Variants in GUCA2A observed in about 807,000 individuals in gnomAD.
GUCA2A encodes guanylate cyclase activator 2A.
GUCA2A carries 17 observed loss-of-function variants against 11.2 expected under a neutral mutation model. The observed-to-expected ratio is 1.52, with a 90% confidence interval of 1.04 to 2.28. The LOEUF (loss-of-function observed/expected upper bound fraction) is 2.28, where lower values mean the gene tolerates loss of function less well. Ranked by LOEUF, GUCA2A falls within the 30% of genes most tolerant of loss-of-function variation. The pLI is 0.00. For synonymous variants in GUCA2A, 64 were observed against 57.1 expected (o/e 1.12, Z -0.54); for missense variants, 173 against 139.3 (o/e 1.24, Z -1.22).
chr1:42,163,779 C>T (rs1466809644), intron 1 of GUCA2A, among the ~76,000 whole-genome samples, 169 bp from the exon 2 acceptor site: 1 of 152,230 alleles, frequency 6.6e-6, no homozygotes, highest in African/African-American at 2.4e-5. Flanking sequence ...TCAGGCCCCA[C>T]GTCCTGGCTT....
rs377095864 is a variant in GUCA2A, at chr1:42,163,489, G to A, written c.197C>T (p.Pro66Leu). The change falls in exon 2 of 3, where the codon CCC (proline) becomes CTC (leucine). Residue 66 changes from proline (P) to leucine (L), a missense_variant. Coordinates refer to ENST00000357001, the MANE Select transcript of GUCA2A (RefSeq NM_033553.3). ...FAPIPGEPVV[P>L]ILCSNPNFPE... is the part of the protein sequence containing the mutation. Reference sequence around the variant, plus strand: ...AAAGTTCGGGTTGCTACAGAGGATGGGAACCACAGGTTCACCAGGGATGGG... The same window carrying A: ...AAAGTTCGGGTTGCTACAGAGGATGAGAACCACAGGTTCACCAGGGATGGG... 3.1e-6 allele frequency: 5 copies of A among 1,613,642 alleles called. No homozygotes were observed. The highest frequency in any genetic ancestry group is 4.2e-6 in the Non-Finnish European group (5 of 1,179,656).
intron 1 of GUCA2A, 141 bp from the exon 2 acceptor site, chr1:42,163,751 C>A (rs1300090160): frequency 8.0e-6 from 5 of 622,604 alleles, no homozygotes; most frequent in African/African-American, 1.8e-5. Flanking sequence ...CACAGTGGGG[C>A]ACTGTGAGGG....
rs1646139737 is a variant in GUCA2A at position 42,163,561 on chromosome 1, A to AG, written c.124dup (p.Leu42ProfsTer21). On this transcript the variant is annotated frameshift_variant, in exon 2 of 3. Coordinates refer to ENST00000357001, the MANE Select transcript of GUCA2A (RefSeq NM_033553.3). LOFTEE classifies it high-confidence loss of function. ...AACCCTGGGCTCCTGGGGCTCCTGG[A>AG]GGTCTTTGAGCTTCTTCACTGACTC... 6.2e-7 allele frequency: 1 copy of AG among 1,613,670 alleles called. No homozygotes were observed. The highest frequency in any genetic ancestry group is 1.7e-5 in the Admixed American group (1 of 59,988).
chr1:42,163,607 C>T lies in GUCA2A; in HGVS notation c.79G>A (p.Gly27Arg). 6.2e-7 allele frequency: 1 copy of T among 1,608,314 alleles called. No homozygotes were observed. Among genetic ancestry groups the T allele is most frequent in the Non-Finnish European group, 8.5e-7 (1 of 1,176,234 alleles). Residue 27 changes from glycine to arginine, a missense_variant, in exon 2 of 3, where the codon GGA (glycine) becomes AGA (arginine). Transcript: ENST00000357001. ...GACTCCAGAGAAAAGGAGAAATTTC[C>T]ATCCTGGAAGAGAGAAGCCCAGAGC... The part of the protein sequence containing the change: ...ALAGGVTVQD[G>R]NFSFSLESVK...
At position 42,163,481 on chromosome 1, in the gene GUCA2A, A is replaced by G. The variant is rs1033518359; in HGVS notation, c.205T>C (p.Cys69Arg). ...IPGEPVVPIL[C>R]SNPNFPEELK... ...TCTTCTGGAAAGTTCGGGTTGCTAC[A>G]GAGGATGGGAACCACAGGTTCACCA... Residue 69 changes from cysteine to arginine, a missense_variant, in exon 2 of 3, where the codon TGT (cysteine) becomes CGT (arginine). By Grantham distance (180) the Cys-to-Arg change is radical. Transcript: ENST00000357001. The G allele has an allele frequency of 1.9e-6, 3 of 1,613,780 alleles. No homozygotes were observed. Among genetic ancestry groups the G allele is most frequent in the East Asian group, 2.2e-5 (1 of 44,880 alleles).
In GUCA2A at chr1:42,162,817, G is replaced by A; in HGVS notation, c.*89C>T. On this transcript the variant is annotated 3_prime_UTR_variant, in exon 3 of 3. Coordinates refer to ENST00000357001, the MANE Select transcript of GUCA2A (RefSeq NM_033553.3). ...CGACTGGACCAGGGTAGGTTGAGCT[G>A]CTGGGAGTGGAGTATCATGGGTGGC... is the stretch of plus-strand genomic sequence containing the variant. 7 of 1,081,964 alleles carry A rather than the reference G, an allele frequency of 6.5e-6. No individual in the cohort carries two copies. Among genetic ancestry groups the A allele is most frequent in the Admixed American group, 5.1e-5 (3 of 58,754 alleles). 67.0% of individuals were successfully genotyped at this position (1,081,964 alleles called of 1,614,324 possible).
At chr1:42,164,581 G>A in intron 1 of GUCA2A, 57 bp downstream of exon 1, 1 of 1,003,786 alleles carries the variant, frequency 1.0e-6, no homozygotes, top group South Asian at 1.4e-5. Flanking sequence ...CAGGGGACCA[G>A]ACCTGGGCAC....
Position 42,163,523 on chromosome 1 carries a change from T to A in GUCA2A, c.163A>T (p.Asn55Tyr), listed in dbSNP as rs1194869673. 6.2e-7 allele frequency: 1 copy of A among 1,613,296 alleles called. No individual in the cohort carries two copies. Among genetic ancestry groups the A allele is most frequent in the Admixed American group, 1.7e-5 (1 of 60,008 alleles). Residue 55 changes from asparagine (N) to tyrosine (Y), a missense_variant, in exon 2 of 3, where the codon AAC becomes TAC. By Grantham distance (143) the Asn-to-Tyr change is moderately radical (BLOSUM62 -2). Transcript: ENST00000357001. ...GGTTCACCAGGGATGGGTGCAAAGT[T>A]CCTGAGTTTCCCAACCCTGGGCTCC... ...PQEPRVGKLR[N>Y]FAPIPGEPVV...
At position 42,164,689 on chromosome 1, in the gene GUCA2A, T is replaced by A. The variant is rs1328840771; in HGVS notation, c.24A>T (p.Ala8=). ...CGGCCCAGGCCCCAAGGAGGCACAGTGCGGAGAGCAGGAAGGCATTCATGG... is the reference window on the plus strand; with the variant it reads ...CGGCCCAGGCCCCAAGGAGGCACAGAGCGGAGAGCAGGAAGGCATTCATGG... The part of the protein sequence containing the change: MNAFLLS[A]LCLLGAWAAL... The change falls in exon 1 of 3, where the codon GCA becomes GCT. Residue 8 remains alanine, a synonymous_variant. Transcript: ENST00000357001. The A allele has an allele frequency of 1.3e-6, 2 of 1,551,698 alleles. No individual in the cohort carries two copies. Among genetic ancestry groups the A allele is most frequent in the East Asian group, 2.4e-5 (1 of 41,082 alleles).
chr1:42,164,628 C>A lies in GUCA2A; in HGVS notation c.75+10G>T, dbSNP rs1017953018. The A allele has an allele frequency of 5.1e-5, 78 of 1,524,582 alleles. 2 individuals are homozygous for A. Among genetic ancestry groups the A allele is most frequent in the Middle Eastern group, 4.1e-4 (2 of 4,862 alleles). 94.4% of individuals were successfully genotyped at this position (1,524,582 alleles called of 1,614,324 possible). Reference sequence around the variant, plus strand: ...AGCCAGCTGGGCCGGGGTAGGGACACAGGACTCACCTGCACGGTGACCCCT... The same window carrying A: ...AGCCAGCTGGGCCGGGGTAGGGACAAAGGACTCACCTGCACGGTGACCCCT... On this transcript the variant is annotated intron_variant, in intron 1 of 2. Coordinates refer to ENST00000357001, the MANE Select transcript of GUCA2A (RefSeq NM_033553.3).
Position 42,164,690 on chromosome 1 carries a change from G to A in GUCA2A, c.23C>T (p.Ala8Val), listed in dbSNP as rs1352806780. The part of the protein sequence containing the change: MNAFLLS[A>V]LCLLGAWAAL... Reference sequence around the variant, plus strand: ...GGCCCAGGCCCCAAGGAGGCACAGTGCGGAGAGCAGGAAGGCATTCATGGC... The same window carrying A: ...GGCCCAGGCCCCAAGGAGGCACAGTACGGAGAGCAGGAAGGCATTCATGGC... Residue 8 changes from alanine (A) to valine (V), a missense_variant, in exon 1 of 3, where the codon GCA (alanine) becomes GTA (valine). Ala to Val is a moderately conservative substitution (Grantham distance 64). Coordinates refer to ENST00000357001, the MANE Select transcript of GUCA2A (RefSeq NM_033553.3). The A allele has an allele frequency of 1.9e-6, 3 of 1,551,446 alleles. No homozygotes were observed. The highest frequency in any genetic ancestry group is 2.6e-6 in the Non-Finnish European group (3 of 1,146,508).
chr1:42,163,582 G>T lies in GUCA2A; in HGVS notation c.104C>A (p.Ser35Ter). 1 of 1,612,816 alleles carries T rather than the reference G, an allele frequency of 6.2e-7. No individual in the cohort carries two copies. Among genetic ancestry groups the T allele is most frequent in the South Asian group, 1.1e-5 (1 of 90,994 alleles). The change falls in exon 2 of 3, where the codon TCA becomes TAA. Residue 35 changes from serine to a stop codon, truncating the protein, a stop_gained. Coordinates refer to ENST00000357001, the MANE Select transcript of GUCA2A (RefSeq NM_033553.3). LOFTEE classifies it high-confidence loss of function. ...QDGNFSFSLE[S>*]VKKLKDLQEP... ...CTGGAGGTCTTTGAGCTTCTTCACTGACTCCAGAGAAAAGGAGAAATTTCC... is the reference window on the plus strand; with the variant it reads ...CTGGAGGTCTTTGAGCTTCTTCACTTACTCCAGAGAAAAGGAGAAATTTCC...
chr1:42,164,549 C>G, intron 1 of GUCA2A, 89 bp downstream of exon 1: 1 of 757,750 alleles, frequency 1.3e-6, no homozygotes, highest in Non-Finnish European at 2.3e-6. Flanking sequence ...CTCAATCCAG[C>G]CCCAAAGAGG....
intron 1 of GUCA2A, among the ~76,000 whole-genome samples, 185 bp from the exon 2 acceptor site, chr1:42,163,795 C>T (rs751188481): frequency 6.6e-6 from 1 of 152,168 alleles, no homozygotes; most frequent in Non-Finnish European, 1.5e-5. Context: ...GGCTTGGCTC[C>T]GTGATGCTGG....
chr1:42,163,535 C>T lies in GUCA2A; in HGVS notation c.151G>A (p.Gly51Arg), dbSNP rs1646139528. The change falls in exon 2 of 3, where the codon GGG becomes AGG. Residue 51 changes from glycine (G) to arginine (R), a missense_variant. Transcript: ENST00000357001. ...ATGGGTGCAAAGTTCCTGAGTTTCCCAACCCTGGGCTCCTGGGGCTCCTGG... is the reference window on the plus strand; with the variant it reads ...ATGGGTGCAAAGTTCCTGAGTTTCCTAACCCTGGGCTCCTGGGGCTCCTGG... ...DLQEPQEPRV[G>R]KLRNFAPIPG... The T allele has an allele frequency of 6.2e-7, 1 of 1,613,668 alleles. No homozygotes were observed. The highest frequency in any genetic ancestry group is 1.3e-5 in the African/African-American group (1 of 75,042).
chr1:42,163,023 C>CT, intron 2 of GUCA2A, 53 bp from the exon 3 acceptor site: 1 of 1,439,778 alleles, frequency 6.9e-7, no homozygotes, highest in Non-Finnish European at 9.8e-7. Flanking sequence ...CGCGAGGCCC[C>CT]TGCCGCCCTT....
rs1646140376 is a variant in GUCA2A at position 42,163,693 on chromosome 1, C to T, written c.76-83G>A. The T allele has an allele frequency of 4.6e-6, 4 of 871,658 alleles. No homozygotes were observed. In the Admixed American group the frequency reaches 9.9e-5, roughly 21 times the overall value. The allele number at this position is 871,658 out of a possible 1,614,324, so 54.0% of individuals were successfully genotyped here. A position where few individuals can be genotyped will look rare whatever the true frequency, so the allele number is the denominator to read the frequency against. On this transcript the variant is annotated intron_variant, in intron 1 of 2. Coordinates refer to ENST00000357001, the MANE Select transcript of GUCA2A (RefSeq NM_033553.3). ...CCCCCGTGCTGGCCCCGGTCCAGCC[C>T]AGTGGTGCTCACAGGCAGTGTTCGT...
In GUCA2A at chr1:42,163,422, C is replaced by T. The variant is rs779966689; in HGVS notation, c.264G>A (p.Gln88=). The change falls in exon 2 of 3, where the codon CAG becomes CAA. Residue 88 remains glutamine, a synonymous_variant. Coordinates refer to ENST00000357001, the MANE Select transcript of GUCA2A (RefSeq NM_033553.3). Reference sequence around the variant, plus strand: ...GCTCACCCAGCCTCTGAAGTATCTCCTGGGCATTGGGCTCCTTGCAGAGAG... The same window carrying T: ...GCTCACCCAGCCTCTGAAGTATCTCTTGGGCATTGGGCTCCTTGCAGAGAG... ...LKPLCKEPNA[Q]EILQRLEEIA... 1 of 1,612,780 alleles carries T rather than the reference C, an allele frequency of 6.2e-7. No individual in the cohort carries two copies. The highest frequency in any genetic ancestry group is 1.7e-5 in the Admixed American group (1 of 60,024).
At chr1:42,163,094 A>G in intron 2 of GUCA2A, 124 bp from the exon 3 acceptor site, 1 of 776,344 alleles carries the variant, frequency 1.3e-6, no homozygotes, top group South Asian at 1.6e-5. Context: ...CCGTACTCTG[A>G]CCTACTGGGC....
Sources: allele counts gnomAD v4.1 joint callset (sites outside exome capture counted in the v4.1 genomes callset), GRCh38; gene constraint gnomAD v4.1.1; transcripts MANE v1.5; gene names NCBI Gene and HGNC (gene_info 2026-07-23, HGNC 2026-07-21).